The following CALN1 variants were observed in gnomAD, a reference collection of about 807,000 sequenced individuals.
CALN1 encodes calcium-binding protein 8.
In CALN1, 17 loss-of-function variants were observed where a neutral mutation model predicts 30.6. The ratio of observed to expected loss-of-function variants is 0.56; its 90% CI spans 0.38 to 0.83. The LOEUF (loss-of-function observed/expected upper bound fraction) is 0.83. CALN1 is among the 40% of genes least tolerant of loss of function. The pLI is 0.00. For synonymous variants in CALN1, 156 were observed against 131.4 expected (o/e 1.19, Z -1.28); for missense variants, 291 against 354.9 (o/e 0.82, Z 1.45).
intron 3 of CALN1, among the ~76,000 whole-genome samples, chr7:72,268,757 ACTGCACTC>A (rs1796755762): frequency 6.6e-6 from 1 of 150,704 alleles, no homozygotes. Flanking sequence ...AGATCACACC[ACTGCACTC>A]CAGCCTGGGC....
intron 5 of CALN1, among the ~76,000 whole-genome samples, chr7:71,896,248 T>A (rs1388557878): frequency 2.6e-5 from 4 of 152,218 alleles, no homozygotes; most frequent in African/African-American, 9.7e-5. Flanking sequence ...GCACCAAGCC[T>A]CATACATAAT....
chr7:72,146,863 G>A lies in CALN1; in HGVS notation c.245-40569C>T, dbSNP rs199520083. Reference sequence around the variant, plus strand: ...GACAAACCTGACAAAAACAAGAAACGGGGAAAGGATTCCCTATTTAACAAA... The same window carrying A: ...GACAAACCTGACAAAAACAAGAAACAGGGAAAGGATTCCCTATTTAACAAA... On this transcript the variant is annotated intron_variant, in intron 3 of 6. Transcript: ENST00000395275. Among the ~76,000 whole-genome samples, 27 of 152,252 alleles carry A rather than the reference G, an allele frequency of 1.8e-4. No individual in the cohort carries two copies. The East Asian group carries it at 3.5e-3, about 20-fold the overall frequency.
At chr7:71,804,743 C>G (rs1787507307) in intron 6 of CALN1, among the ~76,000 whole-genome samples, 1 of 152,110 alleles carries the variant, frequency 6.6e-6, no homozygotes, top group East Asian at 1.9e-4. Context: ...GGGCAGATCA[C>G]TTGAGGTCAG....
chr7:72,462,222 C>T, the CALN1 span, among the ~76,000 whole-genome samples: 2 of 151,766 alleles, frequency 1.3e-5, no homozygotes, highest in Admixed American at 1.3e-4. Context: ...CACTCTGTCA[C>T]CTAGGCTGGA....
chr7:72,499,758 C>G, the CALN1 span, among the ~76,000 whole-genome samples: 1 of 149,708 alleles, frequency 6.7e-6, no homozygotes, highest in Non-Finnish European at 1.5e-5. Context: ...TGCATACTTC[C>G]GCAAAACTTT....
intron 3 of CALN1, among the ~76,000 whole-genome samples, chr7:72,169,905 C>A (rs1788816708): frequency 6.6e-6 from 1 of 152,242 alleles, no homozygotes; most frequent in East Asian, 1.9e-4. Context: ...ATTGGCCAGG[C>A]TGGTCTTGAA....
At chr7:72,365,624 G>C (rs1337181300) in intron 2 of CALN1, among the ~76,000 whole-genome samples, 1 of 151,958 alleles carries the variant, frequency 6.6e-6, no homozygotes, top group Non-Finnish European at 1.5e-5. Context: ...TAGACACAGG[G>C]TCTTGCTATG....
intron 3 of CALN1, among the ~76,000 whole-genome samples, chr7:72,112,998 G>A (rs761240186): frequency 3.9e-5 from 6 of 152,190 alleles, no homozygotes; most frequent in Admixed American, 2.6e-4. Flanking sequence ...GGCAAGACAC[G>A]GGCATGTCTA....
chr7:72,084,415 G>A (rs373998663), intron 4 of CALN1, among the ~76,000 whole-genome samples: 12 of 150,470 alleles, frequency 8.0e-5, no homozygotes, highest in African/African-American at 2.7e-4. Flanking sequence ...GGCATGCAGT[G>A]GGCTGATCTT....
chr7:72,477,403 A>G, the CALN1 span, among the ~76,000 whole-genome samples: 2 of 151,994 alleles, frequency 1.3e-5, no homozygotes, highest in Non-Finnish European at 2.9e-5. Flanking sequence ...CAGGGCCGCC[A>G]CCTTCTCCTT....
intron 4 of CALN1, among the ~76,000 whole-genome samples, chr7:72,037,706 T>C (rs1486880484): frequency 6.6e-6 from 1 of 152,032 alleles, no homozygotes. Flanking sequence ...CACAGCTTCC[T>C]GAAACACTAG....
intron 3 of CALN1, among the ~76,000 whole-genome samples, chr7:72,141,913 G>A (rs574618895): frequency 2.0e-5 from 3 of 152,252 alleles, no homozygotes; most frequent in African/African-American, 7.2e-5. Context: ...AAAACATGAG[G>A]CTTGATTACA....
At chr7:72,213,392 C>T (rs2129548374) in intron 3 of CALN1, among the ~76,000 whole-genome samples, 1 of 152,216 alleles carries the variant, frequency 6.6e-6, no homozygotes, top group South Asian at 2.1e-4. Flanking sequence ...TCAGAGAAGG[C>T]ACATCTACAG....
chr7:72,039,550 C>T (rs866707616), intron 4 of CALN1, among the ~76,000 whole-genome samples: 1 of 152,140 alleles, frequency 6.6e-6, no homozygotes, highest in African/African-American at 2.4e-5. Context: ...AAACACCTTC[C>T]TTCTTTTGAC....
intron 3 of CALN1, among the ~76,000 whole-genome samples, chr7:72,132,714 G>A (rs915133426): frequency 6.6e-6 from 1 of 152,216 alleles, no homozygotes; most frequent in South Asian, 2.1e-4. Context: ...CTCCATTTCT[G>A]ACAATATTGT....
chr7:72,188,390 T>C (rs1444015837), intron 3 of CALN1, among the ~76,000 whole-genome samples: 2 of 152,192 alleles, frequency 1.3e-5, no homozygotes, highest in Non-Finnish European at 2.9e-5. Context: ...AATGAATTAA[T>C]AGCATTTGCA....
intron 4 of CALN1, among the ~76,000 whole-genome samples, chr7:72,066,576 T>C (rs1804036055): frequency 6.6e-6 from 1 of 152,102 alleles, no homozygotes; most frequent in Non-Finnish European, 1.5e-5. Flanking sequence ...AATGCAACCG[T>C]ACCTGCTTCG....
intron 4 of CALN1, among the ~76,000 whole-genome samples, chr7:72,088,391 T>C (rs1805619538): frequency 6.6e-6 from 1 of 152,036 alleles, no homozygotes. Flanking sequence ...GGAGCACTCG[T>C]AGACCTTCAA....
At chr7:72,438,203 C>T (rs528643583) in intron 1 of CALN1, among the ~76,000 whole-genome samples, 21 of 152,184 alleles carry the variant, frequency 1.4e-4, no homozygotes, top group African/African-American at 4.8e-4. Context: ...CTGTTCTAAA[C>T]CCCTGGCCTC....
Sources: allele counts gnomAD v4.1 joint callset (sites outside exome capture counted in the v4.1 genomes callset), GRCh38; gene constraint gnomAD v4.1.1; transcripts MANE v1.5; gene names NCBI Gene and HGNC (gene_info 2026-07-23, HGNC 2026-07-21).